RAB11FIP4: variants seen among roughly 807,000 people sequenced by gnomAD.
RAB11FIP4 encodes the protein rab11 family-interacting protein 4.
A neutral mutation model predicts 74.3 loss-of-function variants in RAB11FIP4; 23 were observed. That is an observed-to-expected ratio of 0.31 (90% CI 0.22 to 0.44). RAB11FIP4 has a LOEUF of 0.44. RAB11FIP4 is among the 20% of genes least tolerant of loss of function. The pLI is 1.00. For synonymous variants in RAB11FIP4, 360 were observed against 359.9 expected (o/e 1.00, Z 0.00); for missense variants, 630 against 863.9 (o/e 0.73, Z 3.39).
At chr17:31,524,025 G>T in intron 9 of RAB11FIP4, 29 bp downstream of exon 9, 1 of 1,532,128 alleles carries the variant, frequency 6.5e-7, no homozygotes, top group East Asian at 2.3e-5. Context: ...CTGGGGGCTC[G>T]GCCGTGACGC....
intron 3 of RAB11FIP4, among the ~76,000 whole-genome samples, chr17:31,493,835 C>T (rs2072060975): frequency 6.6e-6 from 1 of 152,134 alleles, no homozygotes. Context: ...CCTAAGGACC[C>T]CAGGGAGTCA....
intron 3 of RAB11FIP4, among the ~76,000 whole-genome samples, chr17:31,454,479 G>A (rs1212579552): frequency 2.6e-5 from 4 of 151,800 alleles, no homozygotes; most frequent in Admixed American, 2.6e-4. Context: ...TCACCATGTT[G>A]GCCAGGTTGT....
chr17:31,495,768 C>T lies in RAB11FIP4; in HGVS notation c.337-21883C>T, dbSNP rs148836057. ...ACACATTTTTGTATGATTATCTGCA[C>T]GATTGCATCAGTTATTAGCAAAGAA... On this transcript the variant is annotated intron_variant, in intron 3 of 14. Transcript: ENST00000621161. 5.1e-4 allele frequency among the ~76,000 whole-genome samples: 77 copies of T among 152,262 alleles called. 1 individual carries two copies. In the East Asian group the frequency reaches 7.5e-3, roughly 15 times the overall value.
At chr17:31,489,521 C>A (rs1836613440) in intron 3 of RAB11FIP4, among the ~76,000 whole-genome samples, 1 of 152,298 alleles carries the variant, frequency 6.6e-6, no homozygotes, top group South Asian at 2.1e-4. Context: ...GGCACCCTGG[C>A]ACTGGCCCAA....
intron 10 of RAB11FIP4, 198 bp downstream of exon 10, chr17:31,525,428 A>G (rs1165243360): frequency 1.6e-6 from 1 of 612,094 alleles, no homozygotes; most frequent in Non-Finnish European, 2.9e-6. Flanking sequence ...TCGCTAAGGA[A>G]TGTTCCCAGG....
intron 1 of RAB11FIP4, among the ~76,000 whole-genome samples, chr17:31,394,386 C>G (rs1444065981): frequency 2.0e-5 from 3 of 152,130 alleles, no homozygotes; most frequent in African/African-American, 4.8e-5. Flanking sequence ...AGACCTTTTT[C>G]AGATTTCCCT....
At position 31,521,207 on chromosome 17, in the gene RAB11FIP4, C is replaced by G. The variant is rs763202132; in HGVS notation, c.605C>G (p.Ser202Cys). 9 of 1,613,000 alleles carry G rather than the reference C, an allele frequency of 5.6e-6. No homozygotes were observed. In the East Asian group the frequency reaches 2.0e-4, roughly 36 times the overall value. Residue 202 changes from serine to cysteine, a missense_variant, in exon 5 of 15, where the codon TCT (serine) becomes TGT (cysteine). Coordinates refer to ENST00000621161, the MANE Select transcript of RAB11FIP4 (RefSeq NM_032932.6). ...HTPSMTTSDL[S>C]THSTTSLISN... ...CCATCCATGACGACCTCAGACCTTT[C>G]TACACACTCCACCACCTCGCTCATC...
At chr17:31,423,606 A>G (rs554635200) in intron 1 of RAB11FIP4, among the ~76,000 whole-genome samples, 3 of 152,000 alleles carry the variant, frequency 2.0e-5, no homozygotes, top group African/African-American at 4.8e-5. Context: ...TATAGTTTCA[A>G]TGTCAGTTCA....
Position 31,537,940 on chromosome 17 carries a change from T to C in RAB11FIP4, c.*6208T>C, listed in dbSNP as rs1328788885. 1 of 152,696 alleles carries C rather than the reference T, an allele frequency of 6.5e-6. No individual in the cohort carries two copies. The highest frequency in any genetic ancestry group is 1.5e-5 in the Non-Finnish European group (1 of 68,112). 9.5% of individuals were successfully genotyped at this position (152,696 alleles called of 1,614,324 possible). Reference sequence around the variant, plus strand: ...ATGTGGCCTCATGCCCAAGGGTTTGTTAGATGGCCTCTGACTCTGTGGGAT... The same window carrying C: ...ATGTGGCCTCATGCCCAAGGGTTTGCTAGATGGCCTCTGACTCTGTGGGAT... On this transcript the variant is annotated 3_prime_UTR_variant, in exon 15 of 15. Coordinates refer to ENST00000621161, the MANE Select transcript of RAB11FIP4 (RefSeq NM_032932.6).
intron 3 of RAB11FIP4, among the ~76,000 whole-genome samples, chr17:31,436,441 G>A (rs2151629404): frequency 6.6e-6 from 1 of 152,288 alleles, no homozygotes; most frequent in Admixed American, 6.5e-5. Flanking sequence ...GGGGAGAGGG[G>A]GTGGGAGTTG....
intron 1 of RAB11FIP4, among the ~76,000 whole-genome samples, chr17:31,407,077 G>A (rs2071050287): frequency 9.4e-6 from 1 of 106,034 alleles, no homozygotes; most frequent in Admixed American, 1.3e-4. Context: ...TTTGAGACAA[G>A]GCTTCGCTCA....
At chr17:31,505,547 T>C (rs1168187894) in intron 3 of RAB11FIP4, among the ~76,000 whole-genome samples, 3 of 88,848 alleles carry the variant, frequency 3.4e-5, no homozygotes, top group African/African-American at 1.4e-4. Flanking sequence ...TTATATATTA[T>C]ATATAATAAT....
In RAB11FIP4 at chr17:31,488,617, C is replaced by T. The variant is rs556869539; in HGVS notation, c.337-29034C>T. On this transcript the variant is annotated intron_variant, in intron 3 of 14. Coordinates refer to ENST00000621161, the MANE Select transcript of RAB11FIP4 (RefSeq NM_032932.6). ...GGTACCCAGCGCCGTACCCTTGGGC[C>T]GGGTCCCCGAGGGGGCTGAGCGCCG... is the stretch of plus-strand genomic sequence containing the variant. 3.3e-3 allele frequency among the ~76,000 whole-genome samples: 497 copies of T among 152,342 alleles called. 2 individuals are homozygous for T. Among genetic ancestry groups the T allele is most frequent in the Non-Finnish European group, 5.6e-3 (379 of 68,030 alleles).
Position 31,532,964 on chromosome 17 carries a change from CCT to C in RAB11FIP4, c.*1233_*1234del. ...CAGCTGGGAATAGACATGGTACTTA[CCT>C]TAGAGTTTTCCAATTTATCTCAATT... is the stretch of plus-strand genomic sequence containing the variant. On this transcript the variant is annotated 3_prime_UTR_variant, in exon 15 of 15. Coordinates refer to ENST00000621161, the MANE Select transcript of RAB11FIP4 (RefSeq NM_032932.6). 1 of 152,294 alleles carries C rather than the reference CCT, an allele frequency of 6.6e-6. No individual in the cohort carries two copies. 9.4% of individuals were successfully genotyped at this position (152,294 alleles called of 1,614,324 possible).
chr17:31,487,065 C>T (rs1363334418), intron 3 of RAB11FIP4, among the ~76,000 whole-genome samples: 1 of 152,122 alleles, frequency 6.6e-6, no homozygotes, highest in Non-Finnish European at 1.5e-5. Context: ...ACCAAAGTGC[C>T]GTTGCCACTT....
chr17:31,480,616 T>A (rs2142738124), intron 3 of RAB11FIP4, among the ~76,000 whole-genome samples: 1 of 151,564 alleles, frequency 6.6e-6, no homozygotes, highest in Non-Finnish European at 1.5e-5. Flanking sequence ...GGTGAAACCC[T>A]CTCTCTACTA....
At chr17:31,450,518 T>G (rs2071516493) in intron 3 of RAB11FIP4, among the ~76,000 whole-genome samples, 1 of 151,878 alleles carries the variant, frequency 6.6e-6, no homozygotes, top group South Asian at 2.1e-4. Context: ...CTAATTTGCA[T>G]ATTTTTGGTA....
chr17:31,404,533 G>A (rs144178187), intron 1 of RAB11FIP4, among the ~76,000 whole-genome samples: 20 of 152,354 alleles, frequency 1.3e-4, no homozygotes, highest in African/African-American at 4.8e-4. Flanking sequence ...TATTAGCAAT[G>A]CATGTTAAAC....
In RAB11FIP4 at chr17:31,525,036, G is replaced by C. The variant is rs550584568; in HGVS notation, c.1134-54G>C. The C allele has an allele frequency of 5.3e-5, 82 of 1,548,928 alleles. No homozygotes were observed. In the South Asian group the frequency reaches 8.1e-4, roughly 15 times the overall value. ...CCAGGGTCCCCCGTGCCACAGCCTG[G>C]GTTGGGGTGAAATGGTGCAGGCCCC... On this transcript the variant is annotated intron_variant, in intron 9 of 14. Transcript: ENST00000621161.
Sources: gnomAD v4.1 joint callset for allele counts (sites outside exome capture counted in the v4.1 genomes callset) on GRCh38, gnomAD v4.1.1 for gene constraint, MANE v1.5 for transcripts, NCBI Gene and HGNC (gene_info 2026-07-23, HGNC 2026-07-21) for gene names.